ADAMTS5: variants seen among roughly 807,000 people sequenced by gnomAD.
The protein encoded by ADAMTS5 is ADAM metallopeptidase with thrombospondin type 1 motif 5.
Under a neutral mutation model 81.4 loss-of-function variants are expected in ADAMTS5, and 54 were observed. The observed-to-expected ratio is 0.66, with a 90% CI of 0.53 to 0.83. ADAMTS5 has a LOEUF of 0.83. Among genes scored for constraint, ADAMTS5 ranks in the 40% least tolerant of loss-of-function variants. ADAMTS5 has a pLI of 0.00. For missense variants in ADAMTS5, 1,194 were observed against 1,229.9 expected (o/e 0.97, Z 0.44); for synonymous variants, 532 against 508.8 (o/e 1.05, Z -0.61).
In ADAMTS5 at chr21:26,921,902, C is replaced by G. The variant is rs545826388; in HGVS notation, c.*2151G>C. 1 of 151,834 alleles carries G rather than the reference C, an allele frequency of 6.6e-6. No homozygotes were observed. The highest frequency in any genetic ancestry group is 2.4e-5 in the African/African-American group (1 of 41,326). The allele number at this position is 151,834 out of a possible 1,614,324, so 9.4% of individuals were successfully genotyped here. ...GTAGGAGACAACTACATTTATGCCTCGAGTATTTTTTAATGTTGTTGGGAA... is the reference window on the plus strand; with the variant it reads ...GTAGGAGACAACTACATTTATGCCTGGAGTATTTTTTAATGTTGTTGGGAA... On this transcript the variant is annotated 3_prime_UTR_variant, in exon 8 of 8. Transcript: ENST00000284987.
chr21:26,957,303 C>G (rs562891431), intron 1 of ADAMTS5, among the ~76,000 whole-genome samples: 1 of 151,990 alleles, frequency 6.6e-6, no homozygotes, highest in African/African-American at 2.4e-5. Flanking sequence ...AAATTCTGAG[C>G]AGGAGTAAAG....
At position 26,943,410 on chromosome 21, in the gene ADAMTS5, T is replaced by A. The variant is rs1390002420; in HGVS notation, c.1375A>T (p.Thr459Ser). The change falls in exon 3 of 8, where the codon ACC (threonine) becomes TCC (serine). Residue 459 changes from threonine (T) to serine (S), a missense_variant. Thr to Ser is a moderately conservative substitution (Grantham distance 58, BLOSUM62 1). Coordinates refer to ENST00000284987, the MANE Select transcript of ADAMTS5 (RefSeq NM_007038.5). ...SKPWSKCTSA[T>S]ITEFLDDGHG... Reference sequence around the variant, plus strand: ...CCATCATCCAGGAATTCTGTGATGGTGGCTGAAGTGCATTTGGACCAGGGC... The same window carrying A: ...CCATCATCCAGGAATTCTGTGATGGAGGCTGAAGTGCATTTGGACCAGGGC... 1 of 1,613,550 alleles carries A rather than the reference T, an allele frequency of 6.2e-7. No individual in the cohort carries two copies. Among genetic ancestry groups the A allele is most frequent in the African/African-American group, 1.3e-5 (1 of 75,024 alleles).
In ADAMTS5 at chr21:26,924,514, T is replaced by C. The variant is rs1986770422; in HGVS notation, c.2332A>G (p.Lys778Glu). The C allele has an allele frequency of 1.2e-6, 2 of 1,614,188 alleles. No homozygotes were observed. Among genetic ancestry groups the C allele is most frequent in the Non-Finnish European group, 1.7e-6 (2 of 1,180,026 alleles). Residue 778 changes from lysine to glutamate, a missense_variant, in exon 8 of 8, where the codon AAA (lysine) becomes GAA (glutamate). This residue lies in a region of ADAMTS5 where 696 missense variants were observed against 817.6 expected (regional missense o/e 0.85). Coordinates refer to ENST00000284987, the MANE Select transcript of ADAMTS5 (RefSeq NM_007038.5). The part of the protein sequence containing the change: ...QTRFTAYLAL[K>E]KKNGEYLING... ...ATAAGGTACTCACCGTTTTTCTTTT[T>C]CAGGGCTAAATAGGCAGTGAATCTA... is the stretch of plus-strand genomic sequence containing the variant.
chr21:26,964,812 C>A (rs1986840198), intron 1 of ADAMTS5, among the ~76,000 whole-genome samples: 1 of 152,192 alleles, frequency 6.6e-6, no homozygotes, highest in Admixed American at 6.5e-5. Flanking sequence ...AAGGTGTGGA[C>A]ACTTACAAAA....
At chr21:26,946,276 C>T (rs1026883005) in intron 2 of ADAMTS5, among the ~76,000 whole-genome samples, 1 of 152,072 alleles carries the variant, frequency 6.6e-6, no homozygotes, top group Non-Finnish European at 1.5e-5. Context: ...TAATTCGAGC[C>T]CCCAGTCAAT....
chr21:26,934,886 A>G (rs1362257146), intron 3 of ADAMTS5, 137 bp from the exon 4 acceptor site: 2 of 1,209,788 alleles, frequency 1.7e-6, no homozygotes, highest in East Asian at 2.5e-5. Context: ...TGCTCTGGAG[A>G]GGGACTCCAT....
At chr21:26,933,099 T>TGTGCATTTGGAAATCAC (rs1264221142) in intron 4 of ADAMTS5, 55 bp from the exon 5 acceptor site, 2 of 1,529,738 alleles carry the variant, frequency 1.3e-6, no homozygotes, top group Non-Finnish European at 1.8e-6. Flanking sequence ...ACATTGAAAG[T>TGTGCATTTGGAAATCAC]GTGCATTTGG....
In ADAMTS5 at chr21:26,966,750, G is replaced by A. The variant is rs537153241; in HGVS notation, c.-359C>T. Among the ~76,000 whole-genome samples, 198 of 152,078 alleles carry A rather than the reference G, an allele frequency of 1.3e-3. 2 individuals carry two copies. Among genetic ancestry groups the A allele is most frequent in the Non-Finnish European group, 2.4e-3 (164 of 67,996 alleles). On this transcript the variant is annotated 5_prime_UTR_variant, in exon 1 of 8. Transcript: ENST00000284987. ...ACCACCAAATGCAGGCACGATCGCT[G>A]TTTCAAGAAAAGTAAGGAAAGGTAC...
Position 26,943,448 on chromosome 21 carries a change from A to G in ADAMTS5, c.1337T>C (p.Ile446Thr), listed in dbSNP as rs138711629. 3.5e-5 allele frequency: 57 copies of G among 1,613,754 alleles called. 1 individual carries two copies. The Middle Eastern group carries it at 6.6e-4, about 19-fold the overall frequency. ...TTTGGACCAGGGCTTAGATGCATCA[A>G]TGCTGGTAAGGATGGAAGACATTAA... ...KRLMSSILTS[I>T]DASKPWSKCT... Residue 446 changes from isoleucine to threonine, a missense_variant, in exon 3 of 8, where the codon ATT becomes ACT. Coordinates refer to ENST00000284987, the MANE Select transcript of ADAMTS5 (RefSeq NM_007038.5).
intron 6 of ADAMTS5, 131 bp from the exon 7 acceptor site, chr21:26,930,192 A>G (rs1986881956): frequency 3.5e-6 from 3 of 863,724 alleles, no homozygotes; most frequent in South Asian, 4.8e-5. Flanking sequence ...AAAAAAAAAA[A>G]GCCAAAAAAA....
At position 26,924,468 on chromosome 21, in the gene ADAMTS5, G is replaced by T. The variant is rs780233563; in HGVS notation, c.2378C>A (p.Ser793Tyr). ...GATGTCAATGATAGTCTCTGAAGTG[G>T]AGATCATGTACTTTCCATTGATAAG... is the stretch of plus-strand genomic sequence containing the variant. ...EYLINGKYMI[S>Y]TSETIIDING... Residue 793 changes from serine to tyrosine, a missense_variant, in exon 8 of 8, where the codon TCC becomes TAC. Physicochemically the swap from Ser to Tyr is moderately radical, Grantham distance 144. Coordinates refer to ENST00000284987, the MANE Select transcript of ADAMTS5 (RefSeq NM_007038.5). 1.2e-5 allele frequency: 19 copies of T among 1,614,024 alleles called. No homozygotes were observed. The highest frequency in any genetic ancestry group is 1.6e-5 in the Non-Finnish European group (19 of 1,180,012).
rs530675088 is a variant in ADAMTS5 at position 26,930,812 on chromosome 21, G to A, written c.2050-751C>T. ...TATAGAAAACTCTTTTTATGCATGT[G>A]TATGAGTATGTTGTGAATGCGTGTG... On this transcript the variant is annotated intron_variant, in intron 6 of 7. Transcript: ENST00000284987. Among the ~76,000 whole-genome samples the A allele has an allele frequency of 1.1e-3, 161 of 152,182 alleles. 1 individual carries two copies. The highest frequency in any genetic ancestry group is 3.7e-3 in the African/African-American group (155 of 41,516).
chr21:26,924,215 C>T lies in ADAMTS5; in HGVS notation c.2631G>A (p.Pro877=), dbSNP rs764765778. The change falls in exon 8 of 8, where the codon CCG becomes CCA. Residue 877 remains proline, a synonymous_variant. Transcript: ENST00000284987. The part of the protein sequence containing the change: ...SNKVGSHTSQ[P]QWVTGPWLAC... Reference sequence around the variant, plus strand: ...CGAGCCATGGGCCCGTGACCCACTGCGGCTGCGAAGTGTGTGATCCCACTT... The same window carrying T: ...CGAGCCATGGGCCCGTGACCCACTGTGGCTGCGAAGTGTGTGATCCCACTT... 2.4e-5 allele frequency: 38 copies of T among 1,614,090 alleles called. No homozygotes were observed. The highest frequency in any genetic ancestry group is 1.8e-4 in the East Asian group (8 of 44,896).
intron 1 of ADAMTS5, among the ~76,000 whole-genome samples, chr21:26,964,801 A>C (rs1987604485): frequency 6.6e-6 from 1 of 152,224 alleles, no homozygotes; most frequent in African/African-American, 2.4e-5. Flanking sequence ...ATTCTAGTAA[A>C]AAGGTGTGGA....
rs1019656605 is a variant in ADAMTS5, at chr21:26,930,204, A to T, written c.2050-143T>A. 2.7e-5 allele frequency: 22 copies of T among 803,446 alleles called. No homozygotes were observed. In the Admixed American group the frequency reaches 6.7e-4, roughly 25 times the overall value. The allele number at this position is 803,446 out of a possible 1,614,324, so 49.8% of individuals were successfully genotyped here. On this transcript the variant is annotated intron_variant, in intron 6 of 7. Transcript: ENST00000284987. ...TGAAAAAAAAAAAAGCCAAAAAAAC[A>T]TAGTTTCCAGAAGTAGCTAACTGAA...
In ADAMTS5 at chr21:26,932,022, A is replaced by G. The variant is rs1219220125; in HGVS notation, c.2031T>C (p.Tyr677=). ...TAGTTACCTTTGGAGAAAATACCAC[A>G]TAGTAGCCAGTGCCCTTGGCTCTGC... ...LTCRAKGTGY[Y]VVFSPKVTDG... The change falls in exon 6 of 8, where the codon TAT becomes TAC. Residue 677 remains tyrosine (Y), a synonymous_variant. Coordinates refer to ENST00000284987, the MANE Select transcript of ADAMTS5 (RefSeq NM_007038.5). 9 of 1,613,670 alleles carry G rather than the reference A, an allele frequency of 5.6e-6. No homozygotes were observed. The highest frequency in any genetic ancestry group is 1.3e-5 in the African/African-American group (1 of 74,948).
intron 2 of ADAMTS5, among the ~76,000 whole-genome samples, chr21:26,943,804 T>G (rs922523908): frequency 3.3e-5 from 5 of 152,212 alleles, no homozygotes; most frequent in African/African-American, 1.2e-4. Flanking sequence ...GGATCACATA[T>G]GCTTAATGTC....
In ADAMTS5 at chr21:26,921,625, C is replaced by T. The variant is rs1435258356; in HGVS notation, c.*2428G>A. The stretch of plus-strand genomic sequence containing the variant: ...CAATTCGTGGTATCTATTGAACACT[C>T]CATTTCTCTGAATTTCAGTTTCCAA... On this transcript the variant is annotated 3_prime_UTR_variant, in exon 8 of 8. Coordinates refer to ENST00000284987, the MANE Select transcript of ADAMTS5 (RefSeq NM_007038.5). The T allele has an allele frequency of 6.6e-6, 1 of 152,344 alleles. No homozygotes were observed. Among genetic ancestry groups the T allele is most frequent in the Non-Finnish European group, 1.5e-5 (1 of 67,912 alleles). The allele number at this position is 152,344 out of a possible 1,614,324, so 9.4% of individuals were successfully genotyped here.
chr21:26,932,328 A>T (rs1986925998), intron 5 of ADAMTS5, 149 bp from the exon 6 acceptor site: 1 of 749,894 alleles, frequency 1.3e-6, no homozygotes, highest in African/African-American at 1.8e-5. Context: ...GATGGATTTT[A>T]TCTATACATA....
Sources: allele counts gnomAD v4.1 joint callset (sites outside exome capture counted in the v4.1 genomes callset), GRCh38; gene constraint gnomAD v4.1.1; regional missense constraint gnomAD v4.1.1; transcripts MANE v1.5; gene names NCBI Gene and HGNC (gene_info 2026-07-23, HGNC 2026-07-21).